Variants in TENM3 observed in about 807,000 individuals in gnomAD.
The protein encoded by TENM3 is teneurin-3.
A neutral mutation model predicts 255.1 loss-of-function variants in TENM3; 63 were observed. That is an observed-to-expected ratio of 0.25 (90% confidence interval 0.20 to 0.30). The LOEUF is 0.30. Ranked by LOEUF, TENM3 falls within the 10% of genes least tolerant of loss-of-function variation. The probability of loss-of-function intolerance (pLI) is 1.00; values close to 1 mark genes in which losing one functional copy is unlikely to be tolerated. For missense variants in TENM3, 2,929 were observed against 3,461.1 expected (o/e 0.85, Z 3.86); for synonymous variants, 1,306 against 1,322.3 (o/e 0.99, Z 0.27).
At chr4:181,532,180 GA>G in the TENM3 span, among the ~76,000 whole-genome samples, 1 of 152,162 alleles carries the variant, frequency 6.6e-6, no homozygotes, top group East Asian at 1.9e-4. Flanking sequence ...TATCCTGAAA[GA>G]AATGGAAAGC....
chr4:181,982,612 T>TG, the TENM3 span, among the ~76,000 whole-genome samples: 1 of 152,086 alleles, frequency 6.6e-6, no homozygotes, highest in African/African-American at 2.4e-5. Context: ...ACTCGAAGCC[T>TG]GAAAGAGTTA....
intron 6 of TENM3, among the ~76,000 whole-genome samples, chr4:182,671,623 C>A (rs1440462736): frequency 6.6e-6 from 1 of 152,152 alleles, no homozygotes; most frequent in Admixed American, 6.5e-5. Flanking sequence ...CTATGGAAGT[C>A]TAGATAATCT....
At chr4:181,448,273 T>G in the TENM3 span, among the ~76,000 whole-genome samples, 1 of 141,562 alleles carries the variant, frequency 7.1e-6, no homozygotes, top group Non-Finnish European at 1.5e-5. Context: ...TTCACGCCAT[T>G]CTCCTGCCTC....
chr4:182,181,466 T>A (rs1752836476), intron 1 of TENM3, among the ~76,000 whole-genome samples: 1 of 152,164 alleles, frequency 6.6e-6, no homozygotes, highest in Admixed American at 6.5e-5. Flanking sequence ...AGTGAGGAGA[T>A]CAAAACCAAA....
the TENM3 span, among the ~76,000 whole-genome samples, chr4:181,794,538 G>C: frequency 6.6e-6 from 1 of 152,036 alleles, no homozygotes; most frequent in African/African-American, 2.4e-5. Flanking sequence ...AGATCCTGCA[G>C]TATTTGTTTT....
Position 182,342,384 on chromosome 4 carries a change from C to G in TENM3, c.233-4267C>G, listed in dbSNP as rs566187284. ...TTCTAAGTGAAAGAAGCCAGTCACA[C>G]AAGACCACATATTGTGGATCTTCTT... On this transcript the variant is annotated intron_variant, in intron 2 of 27. Transcript: ENST00000511685. Among the ~76,000 whole-genome samples the G allele has an allele frequency of 4.4e-3, 669 of 150,386 alleles. 2 individuals carry two copies. Among genetic ancestry groups the G allele is most frequent in the Non-Finnish European group, 8.2e-3 (552 of 67,642 alleles).
At chr4:182,481,788 C>T (rs1192117690) in intron 3 of TENM3, among the ~76,000 whole-genome samples, 1 of 152,154 alleles carries the variant, frequency 6.6e-6, no homozygotes, top group African/African-American at 2.4e-5. Context: ...GAGTGAGACT[C>T]TTGTCTCAAA....
At chr4:181,845,374 T>C in the TENM3 span, among the ~76,000 whole-genome samples, 1 of 152,226 alleles carries the variant, frequency 6.6e-6, no homozygotes, top group African/African-American at 2.4e-5. Context: ...GATCACAGAC[T>C]TAATTTTTCA....
At chr4:181,975,146 T>C in the TENM3 span, 6 of 152,122 alleles carry the variant, frequency 3.9e-5, no homozygotes, top group Admixed American at 4.0e-4. Flanking sequence ...TTTTTTTTTT[T>C]TTTTTTTTTG....
the TENM3 span, among the ~76,000 whole-genome samples, chr4:181,961,775 A>C: frequency 4.7e-4 from 72 of 152,326 alleles, no homozygotes; most frequent in African/African-American, 1.7e-3. Flanking sequence ...TTATTTTTGG[A>C]TATTTCAACA....
rs1171712984 is a variant in TENM3, at chr4:182,799,335, T to C, written c.7345-261T>C. 6.6e-6 allele frequency among the ~76,000 whole-genome samples: 1 copy of C among 152,152 alleles called. No individual in the cohort carries two copies. Among genetic ancestry groups the C allele is most frequent in the Non-Finnish European group, 1.5e-5 (1 of 68,010 alleles). ...AGAGAAAAGCAAGAAACAGGACTATTTTTCCCATGTTAGAAACGAAGAAAG... is the reference window on the plus strand; with the variant it reads ...AGAGAAAAGCAAGAAACAGGACTATCTTTCCCATGTTAGAAACGAAGAAAG... On this transcript the variant is annotated intron_variant, in intron 27 of 27. Transcript: ENST00000511685. This position sits in a 1 kb window ranked among gnomAD's most constrained non-coding sequence, Gnocchi z 4.2.
intron 3 of TENM3, among the ~76,000 whole-genome samples, chr4:182,403,384 C>G (rs2151039388): frequency 6.6e-6 from 1 of 152,286 alleles, no homozygotes. Context: ...CCTCTGACTG[C>G]TATACCTTGT....
chr4:182,066,040 A>C, the TENM3 span, among the ~76,000 whole-genome samples: 1 of 152,308 alleles, frequency 6.6e-6, no homozygotes, highest in African/African-American at 2.4e-5. Flanking sequence ...TGGGTCATAT[A>C]GTAACTCTAC....
At chr4:182,207,542 C>G (rs949227075) in intron 1 of TENM3, among the ~76,000 whole-genome samples, 2 of 152,118 alleles carry the variant, frequency 1.3e-5, no homozygotes, top group African/African-American at 4.8e-5. Context: ...CTGATGCTCC[C>G]CCTGCTTTTT....
chr4:181,710,066 C>T, the TENM3 span, among the ~76,000 whole-genome samples: 4 of 151,984 alleles, frequency 2.6e-5, no homozygotes, highest in African/African-American at 4.8e-5. Context: ...CAGTTAAGCT[C>T]GGGGACATGC....
At position 182,346,908 on chromosome 4, in the gene TENM3, A is replaced by G; in HGVS notation, c.490A>G (p.Asn164Asp). Residue 164 changes from asparagine to aspartate, a missense_variant, in exon 3 of 28, where the codon AAC becomes GAC. By Grantham distance (23) the Asn-to-Asp change is conservative (BLOSUM62 1). Coordinates refer to ENST00000511685, the MANE Select transcript of TENM3 (RefSeq NM_001080477.4). ...ALTLTDTEHE[N>D]KSDSENEQPA... is the part of the protein sequence containing the mutation. ...CACCCTGACAGATACGGAGCACGAAAACAAGTCCGACAGTGAGAATGGTAA... is the reference window on the plus strand; with the variant it reads ...CACCCTGACAGATACGGAGCACGAAGACAAGTCCGACAGTGAGAATGGTAA... 6.2e-7 allele frequency: 1 copy of G among 1,606,628 alleles called. No individual in the cohort carries two copies. Among genetic ancestry groups the G allele is most frequent in the Non-Finnish European group, 8.5e-7 (1 of 1,175,232 alleles).
At chr4:181,975,607 A>G in the TENM3 span, 1 of 152,240 alleles carries the variant, frequency 6.6e-6, no homozygotes, top group African/African-American at 2.4e-5. Context: ...CCATGTTGGA[A>G]GTAGGTTGTG....
chr4:181,517,660 T>C, the TENM3 span, among the ~76,000 whole-genome samples: 3 of 152,240 alleles, frequency 2.0e-5, no homozygotes, highest in Non-Finnish European at 4.4e-5. Context: ...GAATGCTTTT[T>C]CCACTTCACA....
chr4:181,638,491 C>T, the TENM3 span, among the ~76,000 whole-genome samples: 598 of 152,306 alleles, frequency 3.9e-3, 22 homozygotes, highest in East Asian at 0.084. Context: ...CTCTCACCAA[C>T]ATAGAATGTT....
Sources: gnomAD v4.1 joint callset for allele counts (sites outside exome capture counted in the v4.1 genomes callset) on GRCh38, gnomAD v4.1.1 for gene constraint, Gnocchi (gnomAD v3.1) non-coding constraint, MANE v1.5 for transcripts, NCBI Gene and HGNC (gene_info 2026-07-23, HGNC 2026-07-21) for gene names.